Variants in ADI1 observed in about 807,000 individuals in gnomAD.
ADI1 encodes the protein acireductone dioxygenase.
In ADI1, 21 loss-of-function variants were observed where a neutral mutation model predicts 18.7. The observed-to-expected ratio is 1.13, with a 90% CI of 0.80 to 1.62. The LOEUF (loss-of-function observed/expected upper bound fraction) is 1.62. ADI1 is among the 40% of genes most tolerant of loss of function. The pLI is 0.00. For synonymous variants in ADI1, 90 were observed against 100.1 expected (o/e 0.90, Z 0.60); for missense variants, 245 against 254.9 (o/e 0.96, Z 0.26).
At chr2:3,499,610 C>T (rs1226772549) in intron 3 of ADI1, among the ~76,000 whole-genome samples, 1 of 152,172 alleles carries the variant, frequency 6.6e-6, no homozygotes, top group Non-Finnish European at 1.5e-5. Flanking sequence ...GTATTTATTA[C>T]AGCCCTGTTC....
At position 3,504,952 on chromosome 2, in the gene ADI1, A is replaced by C. The variant is rs1667143094; in HGVS notation, c.241-3959T>G. Among the ~76,000 whole-genome samples the C allele has an allele frequency of 2.0e-5, 3 of 150,018 alleles. No homozygotes were observed. In the South Asian group the frequency reaches 6.3e-4, roughly 32 times the overall value. On this transcript the variant is annotated intron_variant, in intron 2 of 3. Coordinates refer to ENST00000327435, the MANE Select transcript of ADI1 (RefSeq NM_018269.4). ...TGTCAGTTCACCTGTGTATGTTTGT[A>C]TTTTCTGTTCACCTGTGTATGTTTG... is the stretch of plus-strand genomic sequence containing the variant.
chr2:3,502,410 T>C lies in ADI1; in HGVS notation c.241-1417A>G, dbSNP rs540767995. On this transcript the variant is annotated intron_variant, in intron 2 of 3. Transcript: ENST00000327435. ...AAACCTTAAATTTGAAATCAGTCTA[T>C]TCATAGCCACACAGAAAGAAAAGAC... 4.6e-5 allele frequency among the ~76,000 whole-genome samples: 7 copies of C among 151,692 alleles called. No individual in the cohort carries two copies. The East Asian group carries it at 1.4e-3, about 29-fold the overall frequency.
intron 2 of ADI1, among the ~76,000 whole-genome samples, chr2:3,505,658 C>G (rs534965359): frequency 6.6e-6 from 1 of 152,318 alleles, no homozygotes; most frequent in South Asian, 2.1e-4. Flanking sequence ...AGAGCCTGAC[C>G]TGGGTGAAGG....
chr2:3,513,852 C>T lies in ADI1; in HGVS notation c.240+5G>A. The T allele has an allele frequency of 6.3e-7, 1 of 1,596,384 alleles. No homozygotes were observed. The highest frequency in any genetic ancestry group is 8.5e-7 in the Non-Finnish European group (1 of 1,175,584). On this transcript the variant is annotated splice_donor_5th_base_variant and intron_variant, in intron 2 of 3. Transcript: ENST00000327435. ...TCTTTTCCAGGTAATCCAGGGCTCC[C>T]TTACCTTTTCTTCATAATTTGGTAG...
chr2:3,519,423 G>T lies in ADI1; in HGVS notation c.65C>A (p.Pro22His). Reference protein sequence around the residue: ...GDPRQPHRPDPGRPVGLEQLR... With the variant: ...GDPRQPHRPDHGRPVGLEQLR... ...CTGCTCCAGGCCCACTGGGCGGCCG[G>T]GGTCGGGGCGGTGGGGTTGCCGCGG... The change falls in exon 1 of 4, where the codon CCC becomes CAC. Residue 22 changes from proline to histidine, a missense_variant. Transcript: ENST00000327435. 7.3e-7 allele frequency: 1 copy of T among 1,378,672 alleles called. No individual in the cohort carries two copies. Among genetic ancestry groups the T allele is most frequent in the East Asian group, 3.0e-5 (1 of 32,822 alleles). 85.4% of individuals were successfully genotyped at this position (1,378,672 alleles called of 1,614,324 possible).
rs189489809 is a variant in ADI1 at position 3,507,449 on chromosome 2, T to C, written c.240+6408A>G. Among the ~76,000 whole-genome samples the C allele has an allele frequency of 1.3e-3, 198 of 150,468 alleles. 1 individual carries two copies. The highest frequency in any genetic ancestry group is 4.6e-3 in the African/African-American group (187 of 40,918). On this transcript the variant is annotated intron_variant, in intron 2 of 3. Coordinates refer to ENST00000327435, the MANE Select transcript of ADI1 (RefSeq NM_018269.4). Reference sequence around the variant, plus strand: ...CAAAGGAAAAAATGCACCTAACCTATAGAAGAAAAAAGAAAAAGAATTACA... The same window carrying C: ...CAAAGGAAAAAATGCACCTAACCTACAGAAGAAAAAAGAAAAAGAATTACA...
intron 1 of ADI1, chr2:3,515,985 T>G (rs1003812115): frequency 1.0e-6 from 1 of 985,256 alleles, no homozygotes; most frequent in African/African-American, 1.7e-5. Context: ...CTGCATGATA[T>G]GCACAGTACT....
chr2:3,501,396 C>T (rs1460106036), intron 2 of ADI1, among the ~76,000 whole-genome samples: 1 of 151,892 alleles, frequency 6.6e-6, no homozygotes, highest in Non-Finnish European at 1.5e-5. Context: ...GACACCCTGG[C>T]CCCATGCTCA....
chr2:3,515,905 G>C, intron 1 of ADI1: 1 of 985,326 alleles, frequency 1.0e-6, no homozygotes, highest in Non-Finnish European at 1.2e-6. Context: ...CGATACTCCA[G>C]AACATATTAA....
At chr2:3,519,052 T>C (rs1284262939) in intron 1 of ADI1, among the ~76,000 whole-genome samples, 3 of 135,996 alleles carry the variant, frequency 2.2e-5, no homozygotes, top group East Asian at 2.2e-4. Context: ...GCCAACCCCG[T>C]AAACTTCGCT....
rs527440217 is a variant in ADI1 at position 3,497,892 on chromosome 2, A to G, written c.*1071T>C. 7.9e-5 allele frequency: 12 copies of G among 152,330 alleles called. No individual in the cohort carries two copies. In the East Asian group the frequency reaches 1.3e-3, roughly 17 times the overall value. The allele number at this position is 152,330 out of a possible 1,614,324, so 9.4% of individuals were successfully genotyped here. On this transcript the variant is annotated 3_prime_UTR_variant, in exon 4 of 4. Coordinates refer to ENST00000327435, the MANE Select transcript of ADI1 (RefSeq NM_018269.4). ...TGAACAAGCTCTATTTATAATGCCC[A>G]TTTAGAAATGAATCCATTAAAAAAA...
intron 2 of ADI1, among the ~76,000 whole-genome samples, chr2:3,502,189 C>T (rs967174730): frequency 6.6e-6 from 1 of 152,050 alleles, no homozygotes; most frequent in Non-Finnish European, 1.5e-5. Flanking sequence ...CCATACCTGG[C>T]TAATTTTTTA....
chr2:3,518,410 G>A (rs1041559035), intron 1 of ADI1, among the ~76,000 whole-genome samples: 5 of 152,156 alleles, frequency 3.3e-5, no homozygotes, highest in Non-Finnish European at 5.9e-5. Context: ...GGCCTACCCT[G>A]GCCCTCTCTT....
At chr2:3,510,029 G>C (rs1667264173) in intron 2 of ADI1, among the ~76,000 whole-genome samples, 1 of 151,782 alleles carries the variant, frequency 6.6e-6, no homozygotes, top group South Asian at 2.1e-4. Flanking sequence ...TGTAATCCCA[G>C]CTACTCAGGA....
At chr2:3,511,519 G>T (rs1276907831) in intron 2 of ADI1, among the ~76,000 whole-genome samples, 1 of 152,178 alleles carries the variant, frequency 6.6e-6, no homozygotes, top group East Asian at 1.9e-4. Flanking sequence ...GTGGTGACAG[G>T]AAGCACATGC....
rs924102645 is a variant in ADI1 at position 3,499,230 on chromosome 2, T to C, written c.421-148A>G. On this transcript the variant is annotated intron_variant, in intron 3 of 3. Coordinates refer to ENST00000327435, the MANE Select transcript of ADI1 (RefSeq NM_018269.4). Reference sequence around the variant, plus strand: ...TGCGTCTTTAACAATTTAGGCCACATTTTATTCGTGGAAGGAAAATTTGTA... The same window carrying C: ...TGCGTCTTTAACAATTTAGGCCACACTTTATTCGTGGAAGGAAAATTTGTA... 9 of 1,354,538 alleles carry C rather than the reference T, an allele frequency of 6.6e-6. No homozygotes were observed. In the Admixed American group the frequency reaches 1.1e-4, roughly 17 times the overall value. 83.9% of individuals were successfully genotyped at this position (1,354,538 alleles called of 1,614,324 possible). A position where few individuals can be genotyped will look rare whatever the true frequency, so the allele number is the denominator to read the frequency against.
intron 3 of ADI1, 43 bp downstream of exon 3, chr2:3,500,771 C>T (rs1666981231): frequency 6.2e-7 from 1 of 1,611,510 alleles, no homozygotes; most frequent in Middle Eastern, 1.6e-4. Flanking sequence ...CGGCCAGGGC[C>T]ACCACACAGG....
rs937506258 is a variant in ADI1 at position 3,513,923 on chromosome 2, C to T, written c.174G>A (p.Glu58=). The T allele has an allele frequency of 6.2e-7, 1 of 1,612,444 alleles. No homozygotes were observed. The highest frequency in any genetic ancestry group is 1.3e-5 in the African/African-American group (1 of 74,804). Residue 58 remains glutamate, a synonymous_variant, in exon 2 of 4, where the codon GAG becomes GAA. Transcript: ENST00000327435. ...TGATGTCCATCCAGGAGTAGTTCCT[C>T]TCTCTTCGGATCTTTTCTAATTCTG... ...NDPELEKIRR[E]RNYSWMDIIT... is the part of the protein sequence containing the mutation.
intron 3 of ADI1, chr2:3,500,499 G>GTGT: frequency 2.0e-6 from 1 of 491,080 alleles, no homozygotes; most frequent in Non-Finnish European, 3.7e-6. Context: ...AAGGGCTGGG[G>GTGT]CAGGGCCAGG....
Sources: gnomAD v4.1 joint callset for allele counts (sites outside exome capture counted in the v4.1 genomes callset) on GRCh38, gnomAD v4.1.1 for gene constraint, MANE v1.5 for transcripts, NCBI Gene and HGNC (gene_info 2026-07-23, HGNC 2026-07-21) for gene names.